The following MINDY3 variants were observed in gnomAD, a reference collection of about 807,000 sequenced individuals.
The protein encoded by MINDY3 is ubiquitin carboxyl-terminal hydrolase MINDY-3.
In MINDY3, 38 loss-of-function variants were observed where a neutral mutation model predicts 69.2. That is an observed-to-expected ratio of 0.55 (90% CI 0.42 to 0.72). The LOEUF (loss-of-function observed/expected upper bound fraction) is 0.72, where lower values mean the gene tolerates loss of function less well. MINDY3 is among the 30% of genes least tolerant of loss of function. The pLI, the probability that MINDY3 is intolerant of heterozygous loss-of-function variation, is 0.00. For missense variants in MINDY3, 522 were observed against 519.0 expected (o/e 1.01, Z -0.06); for synonymous variants, 192 against 180.1 (o/e 1.07, Z -0.53).
At chr10:15,858,700 C>T (rs997892736) in intron 1 of MINDY3, among the ~76,000 whole-genome samples, 5 of 152,194 alleles carry the variant, frequency 3.3e-5, no homozygotes, top group Non-Finnish European at 5.9e-5. Context: ...CACCCTGAAT[C>T]TTCCTTGTAT....
At chr10:15,858,217 T>C (rs966192734) in intron 1 of MINDY3, among the ~76,000 whole-genome samples, 2 of 152,180 alleles carry the variant, frequency 1.3e-5, no homozygotes, top group Non-Finnish European at 2.9e-5. Flanking sequence ...AAGAGCTACA[T>C]ATCCAAAATA....
chr10:15,807,299 A>AG (rs1838700739), intron 10 of MINDY3, among the ~76,000 whole-genome samples: 1 of 152,194 alleles, frequency 6.6e-6, no homozygotes, highest in African/African-American at 2.4e-5. Context: ...TAGTGCCACA[A>AG]GAAGGAAGGA....
At chr10:15,833,452 G>A (rs963527101) in intron 8 of MINDY3, among the ~76,000 whole-genome samples, 178 bp downstream of exon 8, 2 of 152,128 alleles carry the variant, frequency 1.3e-5, no homozygotes, top group Admixed American at 6.5e-5. Flanking sequence ...AAGATTGCCT[G>A]GCTCCAAGAT....
chr10:15,842,287 G>T (rs370914075), intron 3 of MINDY3, among the ~76,000 whole-genome samples: 2 of 151,876 alleles, frequency 1.3e-5, no homozygotes, highest in African/African-American at 4.8e-5. Flanking sequence ...TCTCCTAATG[G>T]ATTAACAGTT....
intron 11 of MINDY3, among the ~76,000 whole-genome samples, chr10:15,795,405 C>T (rs915909240): frequency 6.6e-6 from 1 of 151,980 alleles, no homozygotes; most frequent in Non-Finnish European, 1.5e-5. Flanking sequence ...ATAACTGAAT[C>T]CATTCAGATA....
At chr10:15,848,633 CAAAAAAAAAAAAAAA>C (rs10719399) in intron 1 of MINDY3, among the ~76,000 whole-genome samples, 1 of 48,794 alleles carries the variant, frequency 2.0e-5, no homozygotes, top group Non-Finnish European at 3.1e-5. Flanking sequence ...GACTTCATCT[CAAAAAAAAAAAAAAA>C]AAAAAAAAAA....
At chr10:15,795,364 G>C (rs1837735306) in intron 11 of MINDY3, among the ~76,000 whole-genome samples, 1 of 151,992 alleles carries the variant, frequency 6.6e-6, no homozygotes, top group African/African-American at 2.4e-5. Context: ...ATCACTAAGT[G>C]TACAAAGTTT....
chr10:15,789,192 T>C, intron 12 of MINDY3, 55 bp downstream of exon 12: 1 of 1,424,132 alleles, frequency 7.0e-7, no homozygotes, highest in Non-Finnish European at 9.8e-7. Context: ...CAATATGTCT[T>C]AAACTTAATC....
intron 5 of MINDY3, chr10:15,837,829 T>G: frequency 1.0e-6 from 1 of 973,102 alleles, no homozygotes; most frequent in Non-Finnish European, 1.2e-6. Context: ...ATAAAAAGTT[T>G]AAATGCTCTA....
rs754176255 is a variant in MINDY3, at chr10:15,843,283, T to C, written c.175-11A>G. 1 of 1,604,434 alleles carries C rather than the reference T, an allele frequency of 6.2e-7. No individual in the cohort carries two copies. The highest frequency in any genetic ancestry group is 2.2e-5 in the East Asian group (1 of 44,746). ...CTTCAAAAGAAATGCCTTTACACAA[T>C]TAAAGCAATAATTAGTGAAATGCAT... On this transcript the variant is annotated splice_polypyrimidine_tract_variant and intron_variant, in intron 2 of 14. Transcript: ENST00000277632.
Position 15,792,085 on chromosome 10 carries a change from GAGACTAC to G in MINDY3, c.956-2773_956-2767del, listed in dbSNP as rs532019045. Among the ~76,000 whole-genome samples the G allele has an allele frequency of 3.1e-3, 471 of 152,008 alleles. 2 individuals carry two copies. The highest frequency in any genetic ancestry group is 0.011 in the African/African-American group (448 of 41,406). On this transcript the variant is annotated intron_variant, in intron 11 of 14. Transcript: ENST00000277632. ...CATTTTCCATACACTGTGGGAGAGG[GAGACTAC>G]AGTTTCTTGGGAATTAAAAAAAAAA...
intron 14 of MINDY3, 56 bp from the exon 15 acceptor site, chr10:15,779,197 G>A (rs1363324739): frequency 1.3e-6 from 2 of 1,523,114 alleles, no homozygotes; most frequent in East Asian, 2.3e-5. Context: ...AAATTCTTAT[G>A]TGGAATGAAA....
At chr10:15,779,165 A>G in intron 14 of MINDY3, 24 bp from the exon 15 acceptor site, 2 of 1,604,754 alleles carry the variant, frequency 1.2e-6, no homozygotes, top group South Asian at 1.1e-5. Context: ...TAAAGCCACC[A>G]AGGTCAAGCA....
Position 15,860,175 on chromosome 10 carries a change from G to C in MINDY3, c.94+31C>G. ...ACTCTCGCAGGGCAAAAGAAGCAGCGGCTGCAAGTGTGAGAGCCCCGCCAG... is the reference window on the plus strand; with the variant it reads ...ACTCTCGCAGGGCAAAAGAAGCAGCCGCTGCAAGTGTGAGAGCCCCGCCAG... On this transcript the variant is annotated intron_variant, in intron 1 of 14. Transcript: ENST00000277632. 4 of 1,526,336 alleles carry C rather than the reference G, an allele frequency of 2.6e-6. 1 individual carries two copies. The South Asian group carries it at 3.5e-5, about 13-fold the overall frequency. 94.5% of individuals were successfully genotyped at this position (1,526,336 alleles called of 1,614,324 possible). A position where few individuals can be genotyped will look rare whatever the true frequency, so the allele number is the denominator to read the frequency against.
intron 10 of MINDY3, among the ~76,000 whole-genome samples, chr10:15,804,532 A>G (rs1192496492): frequency 1.3e-5 from 2 of 152,180 alleles, no homozygotes; most frequent in Admixed American, 6.5e-5. Flanking sequence ...GATTCATCAA[A>G]GAACCTCCAA....
chr10:15,792,230 GAC>G, intron 11 of MINDY3, among the ~76,000 whole-genome samples: 1 of 152,188 alleles, frequency 6.6e-6, no homozygotes, highest in Non-Finnish European at 1.5e-5. Flanking sequence ...AGCTTTTCCA[GAC>G]CTCTTTGGCA....
At chr10:15,814,481 G>C (rs1839220371) in intron 10 of MINDY3, among the ~76,000 whole-genome samples, 1 of 150,758 alleles carries the variant, frequency 6.6e-6, no homozygotes, top group Non-Finnish European at 1.5e-5. Flanking sequence ...TAGTGTGCCA[G>C]ACTATATACT....
At chr10:15,785,843 C>T (rs955345419) in intron 13 of MINDY3, among the ~76,000 whole-genome samples, 4 of 152,032 alleles carry the variant, frequency 2.6e-5, no homozygotes, top group Non-Finnish European at 2.9e-5. Flanking sequence ...CTAATAATAG[C>T]GGTAAAATAG....
chr10:15,832,361 C>T (rs537365715), intron 8 of MINDY3, among the ~76,000 whole-genome samples: 1 of 152,006 alleles, frequency 6.6e-6, no homozygotes, highest in East Asian at 1.9e-4. Context: ...AGAAGAAAGA[C>T]GGGAGTGTAC....
Sources: allele counts gnomAD v4.1 joint callset (sites outside exome capture counted in the v4.1 genomes callset), GRCh38; gene constraint gnomAD v4.1.1; transcripts MANE v1.5; gene names NCBI Gene and HGNC (gene_info 2026-07-23, HGNC 2026-07-21).